The following PTPRD variants were observed in gnomAD, a reference collection of about 807,000 sequenced individuals.
The protein encoded by PTPRD is protein tyrosine phosphatase receptor type D.
In PTPRD, 34 loss-of-function variants were observed where a neutral mutation model predicts 214.5. The observed-to-expected ratio is 0.16, with a 90% CI of 0.12 to 0.21. The LOEUF is 0.21. Ranked by LOEUF, PTPRD falls within the 10% of genes least tolerant of loss-of-function variation. The pLI, the probability that PTPRD is intolerant of heterozygous loss-of-function variation, is 1.00. For missense variants in PTPRD, 2,545 were observed against 2,398.7 expected (o/e 1.06, Z -1.27); for synonymous variants, 1,128 against 845.7 (o/e 1.33, Z -5.79).
At chr9:8,766,003 A>G (rs1354940360) in intron 11 of PTPRD, among the ~76,000 whole-genome samples, 1 of 152,104 alleles carries the variant, frequency 6.6e-6, no homozygotes, top group East Asian at 1.9e-4. Context: ...CTGATGTAGG[A>G]AAAAATGACA....
At chr9:9,486,003 T>A (rs1009767404) in intron 8 of PTPRD, among the ~76,000 whole-genome samples, 4 of 151,562 alleles carry the variant, frequency 2.6e-5, no homozygotes, top group African/African-American at 9.7e-5. Flanking sequence ...ATACAAAAAA[T>A]AGCAGGGCGT....
chr9:9,134,228 A>G (rs324547), intron 10 of PTPRD, among the ~76,000 whole-genome samples: 146,377 of 146,972 alleles, frequency 1, 72,945 homozygotes, highest in Middle Eastern at 1. Flanking sequence ...GCCCGCCACC[A>G]CGCCCGGCTA....
intron 14 of PTPRD, among the ~76,000 whole-genome samples, chr9:8,532,000 C>T (rs1472220072): frequency 2.0e-5 from 3 of 151,960 alleles, no homozygotes; most frequent in Admixed American, 6.6e-5. Flanking sequence ...TTCATATACA[C>T]GAGTGCACAA....
chr9:10,251,480 G>T (rs1483432291), intron 3 of PTPRD, among the ~76,000 whole-genome samples: 1 of 151,606 alleles, frequency 6.6e-6, no homozygotes. Flanking sequence ...TTCATTTCGA[G>T]TTATGTGATT....
intron 3 of PTPRD, among the ~76,000 whole-genome samples, chr9:10,287,458 T>C (rs923226133): frequency 6.6e-6 from 1 of 152,166 alleles, no homozygotes; most frequent in Non-Finnish European, 1.5e-5. Flanking sequence ...TGTTTCTGGT[T>C]AAATGACCCC....
chr9:10,124,973 G>A (rs2098804775), intron 3 of PTPRD, among the ~76,000 whole-genome samples: 1 of 152,146 alleles, frequency 6.6e-6, no homozygotes, highest in Non-Finnish European at 1.5e-5. Flanking sequence ...CCTTGCAAAT[G>A]GCTGTGAAGC....
At position 8,665,569 on chromosome 9, in the gene PTPRD, G is replaced by C. The variant is rs565168703; in HGVS notation, c.65-28725C>G. Among the ~76,000 whole-genome samples, 3 of 152,238 alleles carry C rather than the reference G, an allele frequency of 2.0e-5. No individual in the cohort carries two copies. The South Asian group carries it at 6.2e-4, about 32-fold the overall frequency. On this transcript the variant is annotated intron_variant, in intron 12 of 45. Coordinates refer to ENST00000381196, the MANE Select transcript of PTPRD (RefSeq NM_002839.4). ...TTAAAGATCAATACAGATATTATTA[G>C]ACATTCATTCTACCCATCTAATCCA...
intron 11 of PTPRD, among the ~76,000 whole-genome samples, chr9:8,921,556 C>T (rs374954194): frequency 1.3e-4 from 19 of 151,980 alleles, no homozygotes; most frequent in East Asian, 3.9e-4. Context: ...TGCTGTGGCA[C>T]GATCTTGGCT....
At chr9:10,095,267 A>T (rs1272278025) in intron 3 of PTPRD, among the ~76,000 whole-genome samples, 1 of 151,488 alleles carries the variant, frequency 6.6e-6, no homozygotes, top group African/African-American at 2.4e-5. Flanking sequence ...AAATATAAAT[A>T]AGATAAAAGT....
chr9:9,769,279 G>A (rs1283567522), intron 5 of PTPRD, among the ~76,000 whole-genome samples: 4 of 146,544 alleles, frequency 2.7e-5, no homozygotes, highest in African/African-American at 1.0e-4. Context: ...TTACAGGGTG[G>A]ACAAGATATT....
chr9:9,005,085 G>C (rs990086386), intron 11 of PTPRD, among the ~76,000 whole-genome samples: 4 of 152,008 alleles, frequency 2.6e-5, no homozygotes, highest in African/African-American at 9.7e-5. Context: ...TGGACCTTCA[G>C]GGGAAAGATC....
At chr9:9,974,706 C>T (rs1242050279) in intron 4 of PTPRD, among the ~76,000 whole-genome samples, 3 of 152,160 alleles carry the variant, frequency 2.0e-5, no homozygotes, top group Non-Finnish European at 2.9e-5. Flanking sequence ...TTTATTCCTT[C>T]TTCTACCCTA....
chr9:9,970,917 T>C (rs943569520), intron 4 of PTPRD, among the ~76,000 whole-genome samples: 9 of 152,218 alleles, frequency 5.9e-5, no homozygotes, highest in Admixed American at 3.9e-4. Context: ...ATACAGACTG[T>C]TTATTGTTCT....
chr9:9,676,248 G>A (rs943032464), intron 7 of PTPRD, among the ~76,000 whole-genome samples: 2 of 151,626 alleles, frequency 1.3e-5, no homozygotes, highest in Admixed American at 1.3e-4. Flanking sequence ...TTAACGTTAG[G>A]TGTATCTCCT....
At position 9,551,036 on chromosome 9, in the gene PTPRD, A is replaced by G. The variant is rs183357473; in HGVS notation, c.-237+23696T>C. Among the ~76,000 whole-genome samples, 45 of 152,094 alleles carry G rather than the reference A, an allele frequency of 3.0e-4. 1 individual carries two copies. The highest frequency in any genetic ancestry group is 1.1e-3 in the African/African-American group (44 of 41,554). Reference sequence around the variant, plus strand: ...TATCTGAAAAATGGTCTGAAAATTTATCATGCAAATTTAATCATGTAAATA... The same window carrying G: ...TATCTGAAAAATGGTCTGAAAATTTGTCATGCAAATTTAATCATGTAAATA... On this transcript the variant is annotated intron_variant, in intron 8 of 45. Transcript: ENST00000381196.
At chr9:8,706,897 C>T (rs564561971) in intron 12 of PTPRD, among the ~76,000 whole-genome samples, 4 of 152,298 alleles carry the variant, frequency 2.6e-5, no homozygotes, top group African/African-American at 4.8e-5. Context: ...TCCTCCCGTG[C>T]CACTGTCCCC....
At chr9:10,390,079 C>T (rs962420539) in intron 2 of PTPRD, among the ~76,000 whole-genome samples, 1 of 151,388 alleles carries the variant, frequency 6.6e-6, no homozygotes, top group African/African-American at 2.4e-5. Context: ...GATAAATTGC[C>T]CATTAGGAGC....
At chr9:9,479,187 A>C (rs2146984703) in intron 8 of PTPRD, among the ~76,000 whole-genome samples, 1 of 149,792 alleles carries the variant, frequency 6.7e-6, no homozygotes, top group African/African-American at 2.5e-5. Context: ...GAGATAAATA[A>C]GTCACACATA....
Position 9,165,003 on chromosome 9 carries a change from G to A in PTPRD, c.-143+18301C>T, listed in dbSNP as rs538230670. ...AGAGGCAGAGGTTGCAGTGAGCTGA[G>A]ATCATGCCACTGCACTCCAGCCTGG... On this transcript the variant is annotated intron_variant, in intron 10 of 45. Transcript: ENST00000381196. Among the ~76,000 whole-genome samples, 275 of 144,744 alleles carry A rather than the reference G, an allele frequency of 1.9e-3. 5 individuals carry two copies. Among genetic ancestry groups the A allele is most frequent in the Middle Eastern group, 4.2e-3 (1 of 240 alleles). 95.0% of individuals were successfully genotyped at this position (144,744 alleles called of 152,430 possible).
Sources: gnomAD v4.1 joint callset for allele counts (sites outside exome capture counted in the v4.1 genomes callset) on GRCh38, gnomAD v4.1.1 for gene constraint, MANE v1.5 for transcripts, NCBI Gene and HGNC (gene_info 2026-07-23, HGNC 2026-07-21) for gene names.